Variants in SLC30A7 observed in about 807,000 individuals in gnomAD.
The protein encoded by SLC30A7 is solute carrier family 30 member 7.
In SLC30A7, 35 loss-of-function variants were observed where a neutral mutation model predicts 46.0. The ratio of observed to expected loss-of-function variants is 0.76; its 90% CI spans 0.58 to 1.01. The LOEUF is 1.01. SLC30A7 is among the 50% of genes least tolerant of loss of function. SLC30A7 has a pLI of 0.00. For missense variants in SLC30A7, 464 were observed against 451.1 expected (o/e 1.03, Z -0.26); for synonymous variants, 147 against 157.8 (o/e 0.93, Z 0.51).
chr1:100,942,210 A>G (rs1035259205), intron 8 of SLC30A7, among the ~76,000 whole-genome samples: 1 of 152,252 alleles, frequency 6.6e-6, no homozygotes, highest in Non-Finnish European at 1.5e-5. Flanking sequence ...AGGTACTCTC[A>G]TACTTTGCTG....
At chr1:100,910,102 A>C (rs1370874675) in intron 3 of SLC30A7, among the ~76,000 whole-genome samples, 1 of 152,118 alleles carries the variant, frequency 6.6e-6, no homozygotes, top group Non-Finnish European at 1.5e-5. Context: ...ACATAACTTG[A>C]TAGAGTACAT....
rs1455797179 is a variant in SLC30A7 at position 100,952,188 on chromosome 1, G to A, written c.843-9640G>A. Among the ~76,000 whole-genome samples, 3 of 152,262 alleles carry A rather than the reference G, an allele frequency of 2.0e-5. No individual in the cohort carries two copies. The East Asian group carries it at 5.8e-4, about 29-fold the overall frequency. ...CAGAACTGCAAGATAATTAATTTGT[G>A]CTATTTTAAGTCACACACATACATA... On this transcript the variant is annotated intron_variant, in intron 8 of 10. Transcript: ENST00000357650.
intron 10 of SLC30A7, among the ~76,000 whole-genome samples, chr1:100,971,271 GTAGGAGAAAGTGGAT>G (rs956090311): frequency 1.3e-5 from 2 of 152,156 alleles, no homozygotes; most frequent in African/African-American, 4.8e-5. Context: ...GGGGTACAGA[GTAGGAGAAAGTGGAT>G]TACTATTTTT....
chr1:100,990,449 G>T, the SLC30A7 span: 20 of 1,614,000 alleles, frequency 1.2e-5, no homozygotes, highest in Non-Finnish European at 1.6e-5. Context: ...CTATTTTCTG[G>T]TATGGAAAAC....
At chr1:100,898,224 C>T (rs1442362507) in intron 2 of SLC30A7, among the ~76,000 whole-genome samples, 1 of 152,174 alleles carries the variant, frequency 6.6e-6, no homozygotes. Flanking sequence ...CTTTCCATTA[C>T]ATAAGTCACT....
intron 9 of SLC30A7, among the ~76,000 whole-genome samples, chr1:100,964,235 ATATATG>A (rs1422166352): frequency 2.1e-5 from 3 of 140,508 alleles, no homozygotes; most frequent in African/African-American, 9.0e-5. Flanking sequence ...TTTTATATAT[ATATATG>A]TATATGTATA....
At chr1:100,914,885 T>C (rs557064439) in intron 6 of SLC30A7, among the ~76,000 whole-genome samples, 1 of 151,880 alleles carries the variant, frequency 6.6e-6, no homozygotes, top group Non-Finnish European at 1.5e-5. Flanking sequence ...TTAGCTGAGA[T>C]CACGCTACTG....
At chr1:100,922,230 C>T (rs901663104) in intron 8 of SLC30A7, among the ~76,000 whole-genome samples, 2 of 151,912 alleles carry the variant, frequency 1.3e-5, no homozygotes, top group Non-Finnish European at 2.9e-5. Flanking sequence ...CCTCTGAAAG[C>T]GCTGGGATTA....
Position 100,962,157 on chromosome 1 carries a change from T to C in SLC30A7, c.933+239T>C, listed in dbSNP as rs190032977. ...AGAAATTGAGCAGTTTTTAAAAATA[T>C]AGAATATCTATAGCAGAGATATTCA... is the stretch of plus-strand genomic sequence containing the variant. On this transcript the variant is annotated intron_variant, in intron 9 of 10. Coordinates refer to ENST00000357650, the MANE Select transcript of SLC30A7 (RefSeq NM_133496.5). 7.9e-5 allele frequency among the ~76,000 whole-genome samples: 12 copies of C among 152,346 alleles called. 1 individual carries two copies. The highest frequency in any genetic ancestry group is 2.4e-4 in the African/African-American group (10 of 41,594).
chr1:100,924,690 A>G (rs1279887085), intron 8 of SLC30A7, among the ~76,000 whole-genome samples: 3 of 151,496 alleles, frequency 2.0e-5, no homozygotes, highest in Non-Finnish European at 4.4e-5. Flanking sequence ...GAAAAAAAAA[A>G]TTGGTACACT....
At chr1:100,935,867 C>T (rs1163186792) in intron 8 of SLC30A7, among the ~76,000 whole-genome samples, 1 of 152,098 alleles carries the variant, frequency 6.6e-6, no homozygotes, top group Non-Finnish European at 1.5e-5. Context: ...CCTATCATTA[C>T]TTTAGTCATC....
At chr1:100,931,537 CTGAG>C (rs1294301958) in intron 8 of SLC30A7, among the ~76,000 whole-genome samples, 1 of 150,518 alleles carries the variant, frequency 6.6e-6, no homozygotes, top group Non-Finnish European at 1.5e-5. Context: ...TTGAAACTCA[CTGAG>C]TATTTTTTTT....
At chr1:100,930,995 T>C (rs1653631300) in intron 8 of SLC30A7, among the ~76,000 whole-genome samples, 2 of 152,116 alleles carry the variant, frequency 1.3e-5, no homozygotes, top group Non-Finnish European at 1.5e-5. Context: ...TTATGTATTA[T>C]CCTTGGGGCA....
intron 2 of SLC30A7, 94 bp from the exon 3 acceptor site, chr1:100,906,758 C>A: frequency 1.2e-6 from 1 of 803,046 alleles, no homozygotes; most frequent in Non-Finnish European, 2.1e-6. Context: ...ATGGTTAATT[C>A]CTGATGAACA....
At chr1:100,928,175 A>G (rs1289764689) in intron 8 of SLC30A7, among the ~76,000 whole-genome samples, 2 of 152,190 alleles carry the variant, frequency 1.3e-5, no homozygotes, top group African/African-American at 4.8e-5. Flanking sequence ...CAAGATGGGT[A>G]GAGGGTGTAA....
chr1:100,970,374 G>A (rs1408894417), intron 10 of SLC30A7, among the ~76,000 whole-genome samples: 1 of 152,000 alleles, frequency 6.6e-6, no homozygotes, highest in African/African-American at 2.4e-5. Context: ...CTATAGTTTT[G>A]TGACTATATC....
the SLC30A7 span, among the ~76,000 whole-genome samples, chr1:100,993,890 G>A: frequency 6.6e-6 from 1 of 151,512 alleles, no homozygotes; most frequent in East Asian, 1.9e-4. Context: ...ACAGGTGCCT[G>A]CCACCATGCC....
the SLC30A7 span, among the ~76,000 whole-genome samples, chr1:100,993,826 C>T: frequency 1.3e-5 from 2 of 151,590 alleles, no homozygotes; most frequent in Non-Finnish European, 2.9e-5. Flanking sequence ...ACTGCAACCT[C>T]TGCCTCCTGG....
chr1:100,948,192 G>A (rs182407783), intron 8 of SLC30A7, among the ~76,000 whole-genome samples: 2 of 152,196 alleles, frequency 1.3e-5, no homozygotes, highest in Non-Finnish European at 2.9e-5. Flanking sequence ...GGTGCTGGTT[G>A]TTCCTTTCCA....
Sources: gnomAD v4.1 joint callset for allele counts (sites outside exome capture counted in the v4.1 genomes callset) on GRCh38, gnomAD v4.1.1 for gene constraint, MANE v1.5 for transcripts, NCBI Gene and HGNC (gene_info 2026-07-23, HGNC 2026-07-21) for gene names.